SH3RF3: variants seen among roughly 807,000 people sequenced by gnomAD.
SH3RF3 encodes the protein E3 ubiquitin-protein ligase SH3RF3.
In SH3RF3, 29 loss-of-function variants were observed where a neutral mutation model predicts 66.3. The observed-to-expected ratio is 0.44, with a 90% CI of 0.33 to 0.60. The LOEUF (loss-of-function observed/expected upper bound fraction) is 0.60. Ranked by LOEUF, SH3RF3 falls within the 20% of genes least tolerant of loss-of-function variation. The pLI is 0.04. For missense variants in SH3RF3, 1,194 were observed against 1,190.9 expected (o/e 1.00, Z -0.04); for synonymous variants, 583 against 532.0 (o/e 1.10, Z -1.32).
At chr2:109,429,670 C>G (rs1677136426) in intron 5 of SH3RF3, among the ~76,000 whole-genome samples, 1 of 152,174 alleles carries the variant, frequency 6.6e-6, no homozygotes, top group African/African-American at 2.4e-5. Flanking sequence ...GCTGACAGCT[C>G]CAGCAGCCCA....
chr2:109,294,589 T>TAA (rs35974168), intron 1 of SH3RF3, among the ~76,000 whole-genome samples: 38 of 141,430 alleles, frequency 2.7e-4, no homozygotes, highest in South Asian at 6.7e-4. Context: ...AAAAAAAAGG[T>TAA]AAAAAAAAAA....
chr2:109,357,430 C>T (rs1682971508), intron 2 of SH3RF3, among the ~76,000 whole-genome samples: 1 of 152,210 alleles, frequency 6.6e-6, no homozygotes, highest in African/African-American at 2.4e-5. Flanking sequence ...ATCCACCCAC[C>T]TCGGCCTCCC....
chr2:109,163,577 T>C (rs1267213711), intron 1 of SH3RF3, among the ~76,000 whole-genome samples: 1 of 151,240 alleles, frequency 6.6e-6, no homozygotes, highest in Non-Finnish European at 1.5e-5. Flanking sequence ...TTTTTTGTAT[T>C]TTTAGTAGAG....
At chr2:109,301,342 G>T (rs1194326868) in intron 1 of SH3RF3, among the ~76,000 whole-genome samples, 4 of 127,926 alleles carry the variant, frequency 3.1e-5, no homozygotes, top group Admixed American at 2.7e-4. Flanking sequence ...TGACGTGTGT[G>T]TGTGTGTGTG....
chr2:109,427,283 T>G (rs973982167), intron 5 of SH3RF3, among the ~76,000 whole-genome samples: 8 of 151,788 alleles, frequency 5.3e-5, no homozygotes, highest in African/African-American at 1.9e-4. Context: ...AAAATATTTC[T>G]TAATTAAGGT....
At chr2:109,142,901 C>T (rs1011917501) in intron 1 of SH3RF3, among the ~76,000 whole-genome samples, 15 of 152,216 alleles carry the variant, frequency 9.9e-5, no homozygotes, top group African/African-American at 3.4e-4. Flanking sequence ...TCAAGGATGT[C>T]GGCTTTCAAG....
chr2:109,491,311 T>C (rs959304659), intron 9 of SH3RF3, among the ~76,000 whole-genome samples: 1 of 152,154 alleles, frequency 6.6e-6, no homozygotes, highest in African/African-American at 2.4e-5. Flanking sequence ...CCAGTGGGCC[T>C]ATGTGTCCCA....
chr2:109,341,175 G>A (rs1202053967), intron 1 of SH3RF3, among the ~76,000 whole-genome samples: 1 of 152,206 alleles, frequency 6.6e-6, no homozygotes, highest in Non-Finnish European at 1.5e-5. Flanking sequence ...AAAACAAAAA[G>A]TTTGGACCCA....
rs192872951 is a variant in SH3RF3, at chr2:109,224,771, C to T, written c.573+94658C>T. 3.0e-3 allele frequency among the ~76,000 whole-genome samples: 452 copies of T among 152,250 alleles called. 2 individuals are homozygous for T. The highest frequency in any genetic ancestry group is 0.01 in the African/African-American group (421 of 41,552). On this transcript the variant is annotated intron_variant, in intron 1 of 9. Coordinates refer to ENST00000309415, the MANE Select transcript of SH3RF3 (RefSeq NM_001099289.3). The stretch of plus-strand genomic sequence containing the variant: ...ACTTGGGAGGCTGAGGCATTAGAAT[C>T]GCTTGAAACCTGGAGAGGGAGGTTG...
At position 109,348,074 on chromosome 2, in the gene SH3RF3, G is replaced by T. The variant is rs1387838351; in HGVS notation, c.849+125G>T. ...AGAGTCTGAATCCTGGCTCCTCCCG[G>T]AACCCTGGGCAAATGACCCAGCCTC... On this transcript the variant is annotated intron_variant, in intron 2 of 9. Transcript: ENST00000309415. 1.3e-5 allele frequency: 18 copies of T among 1,334,678 alleles called. No homozygotes were observed. The Admixed American group carries it at 4.3e-4, about 32-fold the overall frequency. The allele number at this position is 1,334,678 out of a possible 1,614,324, so 82.7% of individuals were successfully genotyped here. A position where few individuals can be genotyped will look rare whatever the true frequency, so the allele number is the denominator to read the frequency against.
At chr2:109,497,183 T>A (rs1159216546) in intron 9 of SH3RF3, among the ~76,000 whole-genome samples, 1 of 152,194 alleles carries the variant, frequency 6.6e-6, no homozygotes, top group South Asian at 2.1e-4. Flanking sequence ...AACTAATATG[T>A]GTGTTGATAT....
chr2:109,479,630 C>G (rs576056829), intron 8 of SH3RF3, among the ~76,000 whole-genome samples: 2 of 152,278 alleles, frequency 1.3e-5, no homozygotes, highest in African/African-American at 4.8e-5. Flanking sequence ...GGCAAGGGGT[C>G]AGGGCTCTAC....
chr2:109,347,823 C>A lies in SH3RF3; in HGVS notation c.723C>A (p.Gly241=). Residue 241 remains glycine, a synonymous_variant, in exon 2 of 10, where the codon GGC becomes GGA. Coordinates refer to ENST00000309415, the MANE Select transcript of SH3RF3 (RefSeq NM_001099289.3). ...ACGGCGAGCTGCACGGCACACAGGGCTTCCTCCCAGCCAGCTATATCCAGT... is the reference window on the plus strand; with the variant it reads ...ACGGCGAGCTGCACGGCACACAGGGATTCCTCCCAGCCAGCTATATCCAGT... ...WYHGELHGTQ[G]FLPASYIQCI... 6.2e-7 allele frequency: 1 copy of A among 1,614,002 alleles called. No individual in the cohort carries two copies. The highest frequency in any genetic ancestry group is 2.2e-5 in the East Asian group (1 of 44,882).
At chr2:109,158,195 G>A (rs1677397149) in intron 1 of SH3RF3, among the ~76,000 whole-genome samples, 1 of 152,214 alleles carries the variant, frequency 6.6e-6, no homozygotes. Context: ...GCTGTGCTGG[G>A]AAATGATTGC....
chr2:109,249,538 TCCTTCCTTCCTTCC>T (rs1680023127), intron 1 of SH3RF3, among the ~76,000 whole-genome samples: 1 of 112,244 alleles, frequency 8.9e-6, no homozygotes, highest in African/African-American at 3.8e-5. Flanking sequence ...TTTCTTTCCT[TCCTTCCTTCCTTCC>T]TTCCTTCCTT....
At chr2:109,357,700 G>A (rs1255875894) in intron 2 of SH3RF3, among the ~76,000 whole-genome samples, 1 of 152,120 alleles carries the variant, frequency 6.6e-6, no homozygotes, top group Non-Finnish European at 1.5e-5. Context: ...TTGTTGTAGG[G>A]CACTGTAGTT....
intron 1 of SH3RF3, among the ~76,000 whole-genome samples, chr2:109,344,781 G>T (rs112511832): frequency 1.3e-5 from 2 of 152,170 alleles, no homozygotes; most frequent in African/African-American, 4.8e-5. Context: ...GGTCCTTGCC[G>T]AGCAGCTGAG....
intron 1 of SH3RF3, among the ~76,000 whole-genome samples, chr2:109,220,007 C>T (rs910858226): frequency 6.6e-6 from 1 of 152,212 alleles, no homozygotes; most frequent in African/African-American, 2.4e-5. Flanking sequence ...GGAAGACTCA[C>T]ACTTCCTGAT....
At chr2:109,244,382 T>C (rs1424481055) in intron 1 of SH3RF3, among the ~76,000 whole-genome samples, 14 of 152,192 alleles carry the variant, frequency 9.2e-5, no homozygotes, top group Admixed American at 9.2e-4. Context: ...TCAGGTGGTA[T>C]TATGAAAGTA....
Sources: allele counts gnomAD v4.1 joint callset (sites outside exome capture counted in the v4.1 genomes callset), GRCh38; gene constraint gnomAD v4.1.1; transcripts MANE v1.5; gene names NCBI Gene and HGNC (gene_info 2026-07-23, HGNC 2026-07-21).